UBR2: variants seen among roughly 807,000 people sequenced by gnomAD.
UBR2 encodes the protein ubiquitin protein ligase E3 component n-recognin 2.
Under a neutral mutation model 247.9 loss-of-function variants are expected in UBR2, and 92 were observed. The ratio of observed to expected loss-of-function variants is 0.37; its 90% CI spans 0.31 to 0.44. The LOEUF is 0.44. Among genes scored for constraint, UBR2 ranks in the 20% least tolerant of loss-of-function variants. UBR2 has a pLI of 1.00. For synonymous variants in UBR2, 672 were observed against 693.5 expected (o/e 0.97, Z 0.49); for missense variants, 1,613 against 2,112.6 (o/e 0.76, Z 4.64).
chr6:42,682,573 C>A (rs1050012609), intron 42 of UBR2, among the ~76,000 whole-genome samples: 1 of 152,068 alleles, frequency 6.6e-6, no homozygotes, highest in Non-Finnish European at 1.5e-5. Context: ...GCACATGCCA[C>A]CACACCCAGC....
At chr6:42,665,235 A>G (rs1440320087) in intron 32 of UBR2, among the ~76,000 whole-genome samples, 174 bp from the exon 33 acceptor site, 1 of 152,160 alleles carries the variant, frequency 6.6e-6, no homozygotes, top group Non-Finnish European at 1.5e-5. Flanking sequence ...CAAATAATAT[A>G]TTCCTTTCCA....
At chr6:42,623,030 C>A (rs932683752) in intron 11 of UBR2, among the ~76,000 whole-genome samples, 1 of 152,160 alleles carries the variant, frequency 6.6e-6, no homozygotes, top group Admixed American at 6.5e-5. Flanking sequence ...TCATGAATAA[C>A]AGCAGTTTTA....
At chr6:42,682,933 G>A in intron 42 of UBR2, 122 bp from the exon 43 acceptor site, 3 of 768,388 alleles carry the variant, frequency 3.9e-6, no homozygotes, top group Non-Finnish European at 6.2e-6. Context: ...GGTTTCTTTT[G>A]ATGAAGTAAA....
At position 42,676,105 on chromosome 6, in the gene UBR2, G is replaced by A. The variant is rs756291138; in HGVS notation, c.4301G>A (p.Gly1434Glu). ...GCGTTGCAGTGTCAGGATTTTTCAG[G>A]GATCAGCCTTGGCACTGGAGACCTT... ...FPALQCQDFS[G>E]ISLGTGDLHI... The change falls in exon 39 of 47, where the codon GGG (glycine) becomes GAG (glutamate). Residue 1434 changes from glycine (G) to glutamate (E), a missense_variant. Gly to Glu is a moderately conservative substitution (Grantham distance 98). This residue lies in a region of UBR2 where 1,524 missense variants were observed against 1,967.3 expected (regional missense o/e 0.77). Transcript: ENST00000372901. The A allele has an allele frequency of 6.2e-7, 1 of 1,613,404 alleles. No individual in the cohort carries two copies.
intron 42 of UBR2, 86 bp from the exon 43 acceptor site, chr6:42,682,969 C>T: frequency 2.8e-6 from 3 of 1,087,062 alleles, no homozygotes; most frequent in Non-Finnish European, 4.1e-6. Flanking sequence ...ATATTATTTT[C>T]CTCTTATTGG....
chr6:42,582,232 G>A (rs928543775), intron 2 of UBR2, among the ~76,000 whole-genome samples: 12 of 142,544 alleles, frequency 8.4e-5, no homozygotes, highest in East Asian at 6.2e-4. Context: ...GCAGTGAGCC[G>A]AGATCGCACC....
In UBR2 at chr6:42,644,508, A is replaced by G; in HGVS notation, c.2256A>G (p.Glu752=). The change falls in exon 20 of 47, where the codon GAA becomes GAG. Residue 752 remains glutamate, a synonymous_variant. Coordinates refer to ENST00000372901, the MANE Select transcript of UBR2 (RefSeq NM_001363705.2). ...VVQQNNTLIE[E]MLYLIIMLVG... Reference sequence around the variant, plus strand: ...AGCAGAACAATACTCTAATAGAAGAAATGCTATACCTCATTATAATGCTTG... The same window carrying G: ...AGCAGAACAATACTCTAATAGAAGAGATGCTATACCTCATTATAATGCTTG... The G allele has an allele frequency of 6.2e-7, 1 of 1,611,450 alleles. No individual in the cohort carries two copies. The highest frequency in any genetic ancestry group is 8.5e-7 in the Non-Finnish European group (1 of 1,179,332).
chr6:42,617,330 C>T lies in UBR2; in HGVS notation c.1183-79C>T, dbSNP rs761457735. 3.1e-6 allele frequency: 5 copies of T among 1,613,918 alleles called. No individual in the cohort carries two copies. Among genetic ancestry groups the T allele is most frequent in the Admixed American group, 3.3e-5 (2 of 59,998 alleles). ...TCTATCTGTCCAGTTCTTCACCGCA[C>T]CTACTCTGGTGAGTAGTGCTTGCCT... On this transcript the variant is annotated intron_variant, in intron 10 of 46. Transcript: ENST00000372901.
rs142126260 is a variant in UBR2 at position 42,641,895 on chromosome 6, G to A, written c.2031+203G>A. Among the ~76,000 whole-genome samples the A allele has an allele frequency of 6.4e-3, 969 of 152,292 alleles. 5 individuals carry two copies. The highest frequency in any genetic ancestry group is 0.011 in the Non-Finnish European group (744 of 68,000). The stretch of plus-strand genomic sequence containing the variant: ...ATGGAAAAAGTAGAAATGAACAACA[G>A]TGGTCATGACTTTTACTTGAAATAA... On this transcript the variant is annotated intron_variant, in intron 17 of 46. Coordinates refer to ENST00000372901, the MANE Select transcript of UBR2 (RefSeq NM_001363705.2).
intron 2 of UBR2, among the ~76,000 whole-genome samples, chr6:42,580,468 T>G (rs1463636238): frequency 2.0e-5 from 3 of 152,202 alleles, no homozygotes; most frequent in Non-Finnish European, 4.4e-5. Flanking sequence ...AAATTTTATC[T>G]CTTGGCCCCT....
intron 35 of UBR2, 128 bp from the exon 36 acceptor site, chr6:42,670,532 T>C: frequency 1.4e-6 from 1 of 737,972 alleles, no homozygotes; most frequent in Non-Finnish European, 2.1e-6. Flanking sequence ...TGAAATGACT[T>C]TGAAGATTCT....
chr6:42,564,058 G>A lies in UBR2; in HGVS notation c.-262G>A, dbSNP rs1182365893. ...TGGCCAGCGAGAGTGTCAGGCCTGG[G>A]GTTTTCTGTGTCCTTCCCTGGGTCA... On this transcript the variant is annotated 5_prime_UTR_variant, in exon 1 of 47. Coordinates refer to ENST00000372901, the MANE Select transcript of UBR2 (RefSeq NM_001363705.2). 123 of 515,052 alleles carry A rather than the reference G, an allele frequency of 2.4e-4. No individual in the cohort carries two copies. In the East Asian group the frequency reaches 4.3e-3, roughly 18 times the overall value. The allele number at this position is 515,052 out of a possible 1,614,324, so 31.9% of individuals were successfully genotyped here. A position where few individuals can be genotyped will look rare whatever the true frequency, so the allele number is the denominator to read the frequency against.
chr6:42,640,368 G>A, intron 16 of UBR2, 98 bp downstream of exon 16: 1 of 834,006 alleles, frequency 1.2e-6, no homozygotes, highest in Non-Finnish European at 1.8e-6. Context: ...TTCTCCAGAG[G>A]AACAGAACCA....
intron 41 of UBR2, among the ~76,000 whole-genome samples, chr6:42,679,517 T>G (rs763403247): frequency 3.9e-5 from 6 of 152,274 alleles, no homozygotes; most frequent in Non-Finnish European, 1.5e-5. Context: ...ACCAGTTTGA[T>G]GTAGGAGTCG....
intron 11 of UBR2, among the ~76,000 whole-genome samples, chr6:42,631,526 C>G (rs1795709109): frequency 6.6e-6 from 1 of 152,058 alleles, no homozygotes; most frequent in Non-Finnish European, 1.5e-5. Flanking sequence ...GGAAATTACT[C>G]TATAAATATT....
At chr6:42,673,172 C>T (rs1167107347) in intron 36 of UBR2, among the ~76,000 whole-genome samples, 1 of 152,164 alleles carries the variant, frequency 6.6e-6, no homozygotes, top group African/African-American at 2.4e-5. Context: ...GACAGTTTCC[C>T]CAATATTTGG....
chr6:42,670,798 G>A (rs1798380087), intron 36 of UBR2, 83 bp downstream of exon 36: 3 of 1,037,444 alleles, frequency 2.9e-6, no homozygotes, highest in African/African-American at 3.3e-5. Flanking sequence ...TGGACCTGCA[G>A]TAGTTACTTA....
intron 34 of UBR2, 48 bp downstream of exon 34, chr6:42,666,293 A>T: frequency 6.7e-7 from 1 of 1,493,344 alleles, no homozygotes; most frequent in Non-Finnish European, 9.2e-7. Flanking sequence ...TTTGAAATGA[A>T]TGATTAAGTC....
Position 42,564,392 on chromosome 6 carries a change from G to A in UBR2, c.73G>A (p.Ala25Thr). Residue 25 changes from alanine to threonine, a missense_variant, in exon 1 of 47, where the codon GCG becomes ACG. This residue lies in a region of UBR2 where 1,524 missense variants were observed against 1,967.3 expected (regional missense o/e 0.77). Coordinates refer to ENST00000372901, the MANE Select transcript of UBR2 (RefSeq NM_001363705.2). ...GCTGGAATGTTCGGCCGAGGAGATTGCGGGGGTGAGTGCCGGAACCCGGGC... is the reference window on the plus strand; with the variant it reads ...GCTGGAATGTTCGGCCGAGGAGATTACGGGGGTGAGTGCCGGAACCCGGGC... ...SLLECSAEEI[A>T]GKWLQATDLT... 2 of 1,609,808 alleles carry A rather than the reference G, an allele frequency of 1.2e-6. No homozygotes were observed. The highest frequency in any genetic ancestry group is 1.1e-5 in the South Asian group (1 of 90,168).
Sources: allele counts gnomAD v4.1 joint callset (sites outside exome capture counted in the v4.1 genomes callset), GRCh38; gene constraint gnomAD v4.1.1; regional missense constraint gnomAD v4.1.1; transcripts MANE v1.5; gene names NCBI Gene and HGNC (gene_info 2026-07-23, HGNC 2026-07-21).